The following ZC3H3 variants were observed in gnomAD, a reference collection of about 807,000 sequenced individuals.
ZC3H3 encodes zinc finger CCCH domain-containing protein 3.
ZC3H3 carries 36 observed loss-of-function variants against 77.3 expected under a neutral mutation model. The ratio of observed to expected loss-of-function variants is 0.47; its 90% CI spans 0.36 to 0.61. The LOEUF (loss-of-function observed/expected upper bound fraction) is 0.61, where lower values mean the gene tolerates loss of function less well. Among genes scored for constraint, ZC3H3 ranks in the 20% least tolerant of loss-of-function variants. The pLI is 0.00. For missense variants in ZC3H3, 1,331 were observed against 1,312.2 expected (o/e 1.01, Z -0.22); for synonymous variants, 626 against 555.2 (o/e 1.13, Z -1.79).
At chr8:143,479,220 C>T (rs1369319062) in intron 4 of ZC3H3, among the ~76,000 whole-genome samples, 8 of 152,190 alleles carry the variant, frequency 5.3e-5, no homozygotes, top group Non-Finnish European at 2.9e-5. Context: ...GGCTGCCTGG[C>T]TGGCTTTGGA....
At chr8:143,537,868 T>C in intron 2 of ZC3H3, 135 bp downstream of exon 2, 1 of 1,018,220 alleles carries the variant, frequency 9.8e-7, no homozygotes, top group Non-Finnish European at 1.4e-6. Flanking sequence ...ACAGCAGCAC[T>C]TCCTGCCTCA....
chr8:143,507,794 A>G lies in ZC3H3; in HGVS notation c.1667T>C (p.Phe556Ser), dbSNP rs760929564. ...TPASPLSAPP[F>S]PLSLPSWRAR... Reference sequence around the variant, plus strand: ...CCGCCAGGAGGGCAGAGACAGGGGGAAGGGCGGGGCGCTGAGAGGCGAGGC... The same window carrying G: ...CCGCCAGGAGGGCAGAGACAGGGGGGAGGGCGGGGCGCTGAGAGGCGAGGC... The change falls in exon 4 of 12, where the codon TTC (phenylalanine) becomes TCC (serine). Residue 556 changes from phenylalanine (F) to serine (S), a missense_variant. Phe to Ser is a radical substitution (Grantham distance 155). Around this residue, in one of 3 missense-constraint regions of ZC3H3, gnomAD observed 978 missense variants for 915.5 expected, o/e 1.07. Coordinates refer to ENST00000262577, the MANE Select transcript of ZC3H3 (RefSeq NM_015117.3). 2.5e-5 allele frequency: 40 copies of G among 1,602,672 alleles called. No homozygotes were observed. The highest frequency in any genetic ancestry group is 3.3e-5 in the Non-Finnish European group (39 of 1,176,424).
rs1357290834 is a variant in ZC3H3 at position 143,493,342 on chromosome 8, G to A, written c.1715+14404C>T. Among the ~76,000 whole-genome samples the A allele has an allele frequency of 6.6e-5, 10 of 152,320 alleles. No homozygotes were observed. The South Asian group carries it at 1.2e-3, about 19-fold the overall frequency. On this transcript the variant is annotated intron_variant, in intron 4 of 11. Transcript: ENST00000262577. The surrounding 1 kb of genome is among the most constrained non-coding windows in gnomAD (Gnocchi z 4.8). Reference sequence around the variant, plus strand: ...CCGGAAAAAGTCCCAGAGGATCAGCGGTGTCCCTCAGGGACATCCCAGCCT... The same window carrying A: ...CCGGAAAAAGTCCCAGAGGATCAGCAGTGTCCCTCAGGGACATCCCAGCCT...
intron 4 of ZC3H3, among the ~76,000 whole-genome samples, chr8:143,480,049 C>T (rs1164960357): frequency 2.6e-5 from 4 of 152,214 alleles, no homozygotes; most frequent in Non-Finnish European, 4.4e-5. Flanking sequence ...CTGGGCCCCT[C>T]GGACCTGCTG....
At position 143,440,120 on chromosome 8, in the gene ZC3H3, G is replaced by A. The variant is rs1198189048; in HGVS notation, c.2736C>T (p.Phe912=). 7 of 1,610,822 alleles carry A rather than the reference G, an allele frequency of 4.3e-6. No homozygotes were observed. Among genetic ancestry groups the A allele is most frequent in the Non-Finnish European group, 5.9e-6 (7 of 1,179,452 alleles). The change falls in exon 11 of 12, where the codon TTC becomes TTT. Residue 912 remains phenylalanine (F), a synonymous_variant. Coordinates refer to ENST00000262577, the MANE Select transcript of ZC3H3 (RefSeq NM_015117.3). The part of the protein sequence containing the change: ...CSNRLCKLPS[F]ISLQSSPSPG... ...GGCTCGGCGAGGACTGCAGGGAGAT[G>A]AAGGAAGGCAGCTTGCAGAGCCTGT...
Position 143,440,222 on chromosome 8 carries a change from G to C in ZC3H3, c.2634C>G (p.Ser878=), listed in dbSNP as rs1314817954. ...CCAAGGAAGCGGGAGGGGATGAGGAGGAGGAGGAGGAGGAGGAAGCCTTCG... is the reference window on the plus strand; with the variant it reads ...CCAAGGAAGCGGGAGGGGATGAGGACGAGGAGGAGGAGGAGGAAGCCTTCG... ...SSSKASSSSS[S]SSSPPASLDH... The change falls in exon 11 of 12, where the codon TCC becomes TCG. Residue 878 remains serine, a synonymous_variant. Coordinates refer to ENST00000262577, the MANE Select transcript of ZC3H3 (RefSeq NM_015117.3). 4 of 1,597,324 alleles carry C rather than the reference G, an allele frequency of 2.5e-6. No individual in the cohort carries two copies. Among genetic ancestry groups the C allele is most frequent in the Non-Finnish European group, 2.6e-6 (3 of 1,171,576 alleles).
At chr8:143,481,943 C>T (rs1469036350) in intron 4 of ZC3H3, among the ~76,000 whole-genome samples, 1 of 152,274 alleles carries the variant, frequency 6.6e-6, no homozygotes, top group Non-Finnish European at 1.5e-5. Context: ...CGGCACTGAG[C>T]CAGCTGGGTC....
intron 3 of ZC3H3, among the ~76,000 whole-genome samples, chr8:143,509,878 T>G (rs1182718219): frequency 3.3e-5 from 5 of 152,164 alleles, no homozygotes; most frequent in Non-Finnish European, 7.4e-5. Flanking sequence ...CAGCCTCCCT[T>G]CGGCTAAAAT....
At position 143,530,167 on chromosome 8, in the gene ZC3H3, C is replaced by G. The variant is rs1055998423; in HGVS notation, c.1561+6090G>C. Among the ~76,000 whole-genome samples the G allele has an allele frequency of 6.6e-6, 1 of 152,164 alleles. No homozygotes were observed. The highest frequency in any genetic ancestry group is 2.4e-5 in the African/African-American group (1 of 41,436). Reference sequence around the variant, plus strand: ...CAGGCCTCGACCCAGCCTGGTTGTCCACACGAGACCACCACGCAAGCCAGG... The same window carrying G: ...CAGGCCTCGACCCAGCCTGGTTGTCGACACGAGACCACCACGCAAGCCAGG... On this transcript the variant is annotated intron_variant, in intron 3 of 11. Coordinates refer to ENST00000262577, the MANE Select transcript of ZC3H3 (RefSeq NM_015117.3). This position sits in a 1 kb window ranked among gnomAD's most constrained non-coding sequence, Gnocchi z 4.3.
intron 3 of ZC3H3, among the ~76,000 whole-genome samples, chr8:143,525,732 T>C (rs1343289501): frequency 1.3e-5 from 2 of 152,220 alleles, no homozygotes; most frequent in African/African-American, 4.8e-5. Context: ...TTTGACCAGC[T>C]GGGATGCCGC....
At chr8:143,482,250 C>CCAGGG (rs1308855482) in intron 4 of ZC3H3, among the ~76,000 whole-genome samples, 8 of 152,252 alleles carry the variant, frequency 5.3e-5, no homozygotes, top group African/African-American at 1.9e-4. Context: ...TGTCCAGATC[C>CCAGGG]CAGGGCAGGC....
chr8:143,478,004 T>A (rs1586904988), intron 4 of ZC3H3, among the ~76,000 whole-genome samples: 2 of 151,872 alleles, frequency 1.3e-5, no homozygotes, highest in Non-Finnish European at 2.9e-5. Flanking sequence ...AGATGGTAAG[T>A]CTGCACTCTC....
At chr8:143,498,298 G>A (rs1821411813) in intron 4 of ZC3H3, among the ~76,000 whole-genome samples, 1 of 152,208 alleles carries the variant, frequency 6.6e-6, no homozygotes, top group African/African-American at 2.4e-5. Flanking sequence ...AGCCCTGTCA[G>A]GCCGCGTTCT....
intron 9 of ZC3H3, among the ~76,000 whole-genome samples, chr8:143,444,805 CAATATT>C (rs1262690322): frequency 2.0e-5 from 3 of 152,014 alleles, no homozygotes; most frequent in African/African-American, 7.3e-5. Context: ...CATCACCAGT[CAATATT>C]GTATTGGGGT....
rs1819720456 is a variant in ZC3H3, at chr8:143,440,825, A to G, written c.2492+111T>C. The G allele has an allele frequency of 1.2e-5, 14 of 1,184,560 alleles. No homozygotes were observed. In the South Asian group the frequency reaches 3.8e-4, roughly 32 times the overall value. The allele number at this position is 1,184,560 out of a possible 1,614,324, so 73.4% of individuals were successfully genotyped here. A position where few individuals can be genotyped will look rare whatever the true frequency, so the allele number is the denominator to read the frequency against. ...TGGATAGGGATTTCTTTCTGGTCTG[A>G]GGCCCAAAGAGCTGGAGTTGGCGGG... On this transcript the variant is annotated intron_variant, in intron 10 of 11. Coordinates refer to ENST00000262577, the MANE Select transcript of ZC3H3 (RefSeq NM_015117.3).
chr8:143,516,660 G>A (rs531571311), intron 3 of ZC3H3, among the ~76,000 whole-genome samples: 9 of 151,828 alleles, frequency 5.9e-5, no homozygotes, highest in East Asian at 1.9e-4. Context: ...AGGTGCATCC[G>A]GCCCCTCCTG....
intron 3 of ZC3H3, among the ~76,000 whole-genome samples, chr8:143,515,883 C>A (rs1822024091): frequency 6.6e-6 from 1 of 152,242 alleles, no homozygotes; most frequent in Admixed American, 6.5e-5. Flanking sequence ...TGTGGGCAGA[C>A]CCCTGGCTGT....
intron 4 of ZC3H3, among the ~76,000 whole-genome samples, chr8:143,478,359 A>G (rs1456816138): frequency 6.6e-6 from 1 of 152,132 alleles, no homozygotes. Context: ...GGCCCAGGGA[A>G]GGGCCCGTGG....
chr8:143,496,060 G>A (rs1821342041), intron 4 of ZC3H3, among the ~76,000 whole-genome samples: 1 of 152,170 alleles, frequency 6.6e-6, no homozygotes, highest in Admixed American at 6.6e-5. Flanking sequence ...TGCTAGGCCT[G>A]AGCAAATGAG....
Sources: gnomAD v4.1 joint callset for allele counts (sites outside exome capture counted in the v4.1 genomes callset) on GRCh38, gnomAD v4.1.1 for gene constraint, gnomAD v4.1.1 regional missense constraint, Gnocchi (gnomAD v3.1) non-coding constraint, MANE v1.5 for transcripts, NCBI Gene and HGNC (gene_info 2026-07-23, HGNC 2026-07-21) for gene names.